Variants in RPL34 observed in about 807,000 individuals in gnomAD.
The protein encoded by RPL34 is large ribosomal subunit protein eL34.
RPL34 carries 2 observed loss-of-function variants against 16.3 expected under a neutral mutation model. The ratio of observed to expected loss-of-function variants is 0.12; its 90% CI spans 0.05 to 0.39. The LOEUF (loss-of-function observed/expected upper bound fraction) is 0.39, where lower values mean the gene tolerates loss of function less well. Ranked by LOEUF, RPL34 falls within the 10% of genes least tolerant of loss-of-function variation. The pLI, the probability that RPL34 is intolerant of heterozygous loss-of-function variation, is 0.99. For missense variants in RPL34, 82 were observed against 148.8 expected, an observed-to-expected ratio of 0.55 and a Z score of 2.33; for synonymous variants, 47 against 48.5, an observed-to-expected ratio of 0.97 and a Z score of 0.13.
At chr4:108,622,746 A>C (rs1288160979) in intron 4 of RPL34, 128 bp downstream of exon 4, 3 of 552,748 alleles carry the variant, frequency 5.4e-6, no homozygotes, top group Non-Finnish European at 6.5e-6. Context: ...TTTCTTTGCT[A>C]TGGATAATTG....
intron 4 of RPL34, among the ~76,000 whole-genome samples, chr4:108,623,507 T>A (rs1165605793): frequency 6.6e-6 from 1 of 152,160 alleles, no homozygotes; most frequent in Non-Finnish European, 1.5e-5. Flanking sequence ...CCTCCCGGGT[T>A]CAAGCAATTC....
At chr4:108,620,705 G>C (rs1374238655) in intron 1 of RPL34, 105 bp downstream of exon 1, 1 of 195,304 alleles carries the variant, frequency 5.1e-6, no homozygotes, top group Admixed American at 5.9e-5. Context: ...CTTTGAGCTG[G>C]TGTAGGGGTA....
downstream of RPL34, among the ~76,000 whole-genome samples, chr4:108,628,532 C>G (rs1302649680): frequency 6.6e-6 from 1 of 152,124 alleles, no homozygotes; most frequent in East Asian, 1.9e-4. Context: ...ATTTGCCACC[C>G]CAACCTGAGT....
downstream of RPL34, among the ~76,000 whole-genome samples, chr4:108,626,221 AC>A (rs1274344002): frequency 1.3e-5 from 2 of 151,610 alleles, no homozygotes; most frequent in African/African-American, 4.8e-5. Context: ...TGCAACCTCC[AC>A]CTCCTGGACT....
downstream of RPL34, among the ~76,000 whole-genome samples, chr4:108,627,066 C>T (rs1454149615): frequency 1.3e-5 from 2 of 151,988 alleles, no homozygotes; most frequent in Admixed American, 6.6e-5. Context: ...GGTGAAACCC[C>T]GTCTGTACTA....
At chr4:108,628,403 TATACTC>T (rs1726082909), downstream of RPL34, among the ~76,000 whole-genome samples, 1 of 152,172 alleles carries the variant, frequency 6.6e-6, no homozygotes, top group African/African-American at 2.4e-5. Context: ...CTTTTAATAA[TATACTC>T]AGACAATAAT....
Position 108,625,225 on chromosome 4 carries a change from T to TA in RPL34, c.*13_*14insA. On this transcript the variant is annotated 3_prime_UTR_variant, in exon 5 of 5. Transcript: ENST00000394667. ...GAAAGCTAAATAAAAAAATGAAACTTTTTTGAGTAATAAAAATGAAAAGAC... is the reference window on the plus strand; with the variant it reads ...GAAAGCTAAATAAAAAAATGAAACTTATTTTGAGTAATAAAAATGAAAAGAC... The TA allele has an allele frequency of 1.3e-6, 2 of 1,543,080 alleles. No individual in the cohort carries two copies. Among genetic ancestry groups the TA allele is most frequent in the Non-Finnish European group, 1.8e-6 (2 of 1,122,504 alleles).
At chr4:108,626,076 T>C (rs528668480), downstream of RPL34, among the ~76,000 whole-genome samples, 23 of 152,308 alleles carry the variant, frequency 1.5e-4, no homozygotes, top group East Asian at 4.2e-3. Flanking sequence ...TAGTTTCTGA[T>C]CTACATTGGA....
At position 108,625,122 on chromosome 4, in the gene RPL34, T is replaced by C. The variant is rs147084738; in HGVS notation, c.270-6T>C. The C allele has an allele frequency of 3.8e-6, 6 of 1,596,626 alleles. No individual in the cohort carries two copies. The African/African-American group carries it at 4.0e-5, about 11-fold the overall frequency. ...GAAATGATTAATTTGGTATTTTCCT[T>C]TCTAGGATCAAGCGTGCTTTCCTTA... On this transcript the variant is annotated splice_region_variant and splice_polypyrimidine_tract_variant and intron_variant, in intron 4 of 4. Coordinates refer to ENST00000394667, the MANE Select transcript of RPL34 (RefSeq NM_001319236.2).
chr4:108,627,303 A>G (rs1030310203), downstream of RPL34, among the ~76,000 whole-genome samples: 1 of 152,002 alleles, frequency 6.6e-6, no homozygotes, highest in African/African-American at 2.4e-5. Flanking sequence ...CAGTCTCAAC[A>G]CTTGGGATGC....
rs748376623 is a variant in RPL34, at chr4:108,622,163, C to T, written c.124C>T (p.Pro42Ser). 9.9e-6 allele frequency: 16 copies of T among 1,613,170 alleles called. No homozygotes were observed. The highest frequency in any genetic ancestry group is 1.3e-5 in the Non-Finnish European group (15 of 1,179,944). The change falls in exon 3 of 5, where the codon CCA becomes TCA. Residue 42 changes from proline (P) to serine (S), a missense_variant. Physicochemically the swap from Pro to Ser is moderately conservative, Grantham distance 74. Transcript: ENST00000394667. ...TTATACCAAGAAGGTTGGGAAAGCA[C>T]CAAAATCTGCATGTGGTGTGTGCCC... Reference protein sequence around the residue: ...YLYTKKVGKAPKSACGVCPGR... With the variant: ...YLYTKKVGKASKSACGVCPGR...
intron 1 of RPL34, 126 bp from the exon 2 acceptor site, chr4:108,621,825 C>T (rs933184974): frequency 9.0e-6 from 6 of 669,248 alleles, no homozygotes; most frequent in South Asian, 5.1e-5. Flanking sequence ...TGGAATAATA[C>T]ATCTTAATTT....
At chr4:108,622,922 AG>A (rs1725845880) in intron 4 of RPL34, 5 of 250,950 alleles carry the variant, frequency 2.0e-5, no homozygotes, top group Non-Finnish European at 3.8e-5. Context: ...TTAAAAGTGT[AG>A]GAACAGAAGA....
chr4:108,622,684 C>G (rs1319032250), intron 4 of RPL34, 66 bp downstream of exon 4: 25 of 1,017,852 alleles, frequency 2.5e-5, no homozygotes, highest in Non-Finnish European at 3.6e-5. Flanking sequence ...GTCTGCTGAT[C>G]AGTACAATGG....
chr4:108,625,980 G>A (rs1482640257), downstream of RPL34, among the ~76,000 whole-genome samples: 1 of 152,116 alleles, frequency 6.6e-6, no homozygotes, highest in Non-Finnish European at 1.5e-5. Context: ...GGTCACTTCA[G>A]TTCAAAAATG....
At chr4:108,626,483 C>T (rs946635532), downstream of RPL34, among the ~76,000 whole-genome samples, 4 of 126,414 alleles carry the variant, frequency 3.2e-5, no homozygotes, top group Admixed American at 4.1e-4. Flanking sequence ...TGGAGCCTTG[C>T]TCTTGCCCAG....
chr4:108,621,249 T>A (rs180908806), intron 1 of RPL34: 2 of 152,440 alleles, frequency 1.3e-5, no homozygotes, highest in Admixed American at 1.3e-4. Flanking sequence ...GATTATGTTT[T>A]ACGTTGGGTA....
At chr4:108,622,468 A>G in intron 3 of RPL34, 47 bp from the exon 4 acceptor site, 1 of 1,459,124 alleles carries the variant, frequency 6.9e-7, no homozygotes, top group Non-Finnish European at 9.6e-7. Context: ...AATTTAGGGA[A>G]ATTTCTGTTA....
At chr4:108,627,872 A>T (rs866477557), downstream of RPL34, among the ~76,000 whole-genome samples, 56 of 152,030 alleles carry the variant, frequency 3.7e-4, 1 homozygote, top group South Asian at 6.4e-3. Flanking sequence ...AAAAAAAAAA[A>T]TTTAATTTTA....
Sources: allele counts gnomAD v4.1 joint callset (sites outside exome capture counted in the v4.1 genomes callset), GRCh38; gene constraint gnomAD v4.1.1; transcripts MANE v1.5; gene names NCBI Gene and HGNC (gene_info 2026-07-23, HGNC 2026-07-21).